Variants in KCTD1 observed in about 807,000 individuals in gnomAD.
The protein encoded by KCTD1 is potassium channel tetramerization domain containing 1, also known as BTB/POZ domain-containing protein KCTD1.
A neutral mutation model predicts 66.0 loss-of-function variants in KCTD1; 24 were observed. That is an observed-to-expected ratio of 0.36 (90% CI 0.26 to 0.51). The LOEUF (loss-of-function observed/expected upper bound fraction) is 0.51. Ranked by LOEUF, KCTD1 falls within the 20% of genes least tolerant of loss-of-function variation. The pLI is 0.95. For synonymous variants in KCTD1, 511 were observed against 517.2 expected (o/e 0.99, Z 0.16); for missense variants, 943 against 1,205.2 (o/e 0.78, Z 3.22).
At chr18:26,492,719 T>A (rs1982270641) in intron 2 of KCTD1, among the ~76,000 whole-genome samples, 1 of 152,158 alleles carries the variant, frequency 6.6e-6, no homozygotes, top group Non-Finnish European at 1.5e-5. Flanking sequence ...GCTGGAGGCC[T>A]GGCTCTTACC....
chr18:26,584,698 G>GT (rs1472116547), intron 1 of KCTD1, among the ~76,000 whole-genome samples: 1 of 152,120 alleles, frequency 6.6e-6, no homozygotes, highest in Non-Finnish European at 1.5e-5. Context: ...TTCACAGGGT[G>GT]TTTTTTGAGT....
chr18:26,637,301 C>T (rs1305565077), intron 1 of KCTD1, among the ~76,000 whole-genome samples: 1 of 152,182 alleles, frequency 6.6e-6, no homozygotes, highest in Non-Finnish European at 1.5e-5. Flanking sequence ...AGATTTGTCA[C>T]AGGACAAAAG....
intron 1 of KCTD1, among the ~76,000 whole-genome samples, chr18:26,536,079 A>G (rs1489708521): frequency 1.3e-5 from 2 of 152,060 alleles, no homozygotes; most frequent in African/African-American, 4.8e-5. Flanking sequence ...GAAATCACAT[A>G]CAGGAAAGCC....
At chr18:26,587,896 G>A (rs1986505867) in intron 1 of KCTD1, among the ~76,000 whole-genome samples, 1 of 152,204 alleles carries the variant, frequency 6.6e-6, no homozygotes, top group African/African-American at 2.4e-5. Context: ...GTGGTTTCTT[G>A]AGATGAAATC....
At chr18:26,540,412 G>T (rs971194165) in intron 1 of KCTD1, among the ~76,000 whole-genome samples, 4 of 152,188 alleles carry the variant, frequency 2.6e-5, no homozygotes, top group African/African-American at 9.7e-5. Context: ...CCAGTCGGGG[G>T]AAAGCAGTAC....
rs1567982868 is a variant in KCTD1 at position 26,532,258 on chromosome 18, C to CT, written c.1809+14469dup. Reference sequence around the variant, plus strand: ...ATTCTTTTTCTTTTTCTTTTCTTTCCTTCTTTTTTTTTTTTTTTTTTTTTT... The same window carrying CT: ...ATTCTTTTTCTTTTTCTTTTCTTTCCTTTCTTTTTTTTTTTTTTTTTTTTTT... On this transcript the variant is annotated intron_variant, in intron 1 of 4. Coordinates refer to ENST00000580059, the MANE Select transcript of KCTD1 (RefSeq NM_001142730.3). Among the ~76,000 whole-genome samples, 24 of 30,262 alleles carry CT rather than the reference C, an allele frequency of 7.9e-4. 1 individual carries two copies. The highest frequency in any genetic ancestry group is 1.5e-3 in the African/African-American group (24 of 15,814). The allele number at this position is 30,262 out of a possible 152,430, so 19.9% of individuals were successfully genotyped here.
chr18:26,580,748 T>C (rs949664315), intron 1 of KCTD1, among the ~76,000 whole-genome samples: 2 of 152,224 alleles, frequency 1.3e-5, no homozygotes, highest in African/African-American at 2.4e-5. Context: ...GGGCTAAGGA[T>C]GTATTATATT....
upstream of KCTD1, chr18:26,549,487 G>A (rs544216156): frequency 1.5e-4 from 151 of 975,740 alleles, no homozygotes; most frequent in Admixed American, 1.4e-3. Context: ...CCGGTGGGAG[G>A]GGAGACGAGG....
chr18:26,459,798 C>T lies in KCTD1; in HGVS notation c.2261G>A (p.Arg754His), dbSNP rs201028403. 2.2e-5 allele frequency: 36 copies of T among 1,614,082 alleles called. No individual in the cohort carries two copies. The highest frequency in any genetic ancestry group is 3.3e-5 in the South Asian group (3 of 91,084). Residue 754 changes from arginine to histidine, a missense_variant, in exon 4 of 5, where the codon CGT becomes CAT. Arg to His is a conservative substitution (Grantham distance 29). This residue lies in a region of KCTD1 where 162 missense variants were observed against 232.4 expected (regional missense o/e 0.70). Coordinates refer to ENST00000580059, the MANE Select transcript of KCTD1 (RefSeq NM_001142730.3). ...CCTTTCTCCGAGGTCTGGGGCCACA[C>T]GCACGACGAGGCACTCACAGGGCCT... ...FSRPCECLVVRVAPDLGERIT... is the reference protein window; with the variant it reads ...FSRPCECLVVHVAPDLGERIT...
At chr18:26,625,818 G>A (rs1239222315) in intron 1 of KCTD1, among the ~76,000 whole-genome samples, 2 of 152,106 alleles carry the variant, frequency 1.3e-5, no homozygotes, top group Non-Finnish European at 2.9e-5. Flanking sequence ...CTTCCTAACA[G>A]GATCCAGCAT....
intron 2 of KCTD1, among the ~76,000 whole-genome samples, chr18:26,491,797 G>C (rs948828401): frequency 2.0e-5 from 3 of 152,166 alleles, no homozygotes; most frequent in Non-Finnish European, 4.4e-5. Flanking sequence ...AGAAGAAAGT[G>C]GCTTGAAATA....
In KCTD1 at chr18:26,547,185, T is replaced by C; in HGVS notation, c.1352A>G (p.His451Arg). 6.4e-7 allele frequency: 1 copy of C among 1,551,148 alleles called. No individual in the cohort carries two copies. The highest frequency in any genetic ancestry group is 8.7e-7 in the Non-Finnish European group (1 of 1,146,956). ...AAKLSKTYTN[H>R]CIGAVSIATL... Reference sequence around the variant, plus strand: ...GGCGATGGAGACGGCGCCGATGCAGTGGTTGGTGTAGGTCTTGGAGAGCTT... The same window carrying C: ...GGCGATGGAGACGGCGCCGATGCAGCGGTTGGTGTAGGTCTTGGAGAGCTT... Residue 451 changes from histidine to arginine, a missense_variant, in exon 1 of 5, where the codon CAC (histidine) becomes CGC (arginine). By Grantham distance (29) the His-to-Arg change is conservative. This residue lies in a region of KCTD1 where 79 missense variants were observed against 133.9 expected (regional missense o/e 0.59). Transcript: ENST00000580059.
chr18:26,459,028 C>T (rs530107045), intron 4 of KCTD1: 34 of 152,522 alleles, frequency 2.2e-4, no homozygotes, highest in African/African-American at 8.2e-4. Flanking sequence ...CACTTGCCAC[C>T]TCCTAACGAG....
chr18:26,630,863 T>C (rs1359064003), upstream of KCTD1, among the ~76,000 whole-genome samples: 1 of 152,242 alleles, frequency 6.6e-6, no homozygotes, highest in Non-Finnish European at 1.5e-5. Context: ...GAATGAAGGA[T>C]GCTTATCACC....
intron 1 of KCTD1, among the ~76,000 whole-genome samples, chr18:26,561,339 G>A (rs540686626): frequency 2.0e-5 from 3 of 152,138 alleles, no homozygotes; most frequent in Non-Finnish European, 4.4e-5. Flanking sequence ...TTTGAATTTT[G>A]CAACATGAGT....
At chr18:26,593,012 G>A (rs1228122330) in intron 1 of KCTD1, among the ~76,000 whole-genome samples, 1 of 152,146 alleles carries the variant, frequency 6.6e-6, no homozygotes, top group Non-Finnish European at 1.5e-5. Flanking sequence ...CTTCCCTCCC[G>A]CTTCCTCACA....
intron 1 of KCTD1, among the ~76,000 whole-genome samples, chr18:26,558,018 T>C (rs1261284377): frequency 6.6e-6 from 1 of 152,264 alleles, no homozygotes; most frequent in Non-Finnish European, 1.5e-5. Context: ...TCCAGCTCTC[T>C]GTTGGGGACA....
intron 2 of KCTD1, among the ~76,000 whole-genome samples, chr18:26,491,175 G>T (rs764047575): frequency 7.9e-5 from 12 of 152,166 alleles, no homozygotes; most frequent in Non-Finnish European, 1.6e-4. Context: ...TGTCGCACTG[G>T]TTGTTGCATT....
chr18:26,650,007 G>A (rs905040559), intron 1 of KCTD1, among the ~76,000 whole-genome samples: 3 of 152,188 alleles, frequency 2.0e-5, no homozygotes, highest in African/African-American at 7.2e-5. Flanking sequence ...TGGTGCATTT[G>A]CATCATTTCA....
Sources: gnomAD v4.1 joint callset for allele counts (sites outside exome capture counted in the v4.1 genomes callset) on GRCh38, gnomAD v4.1.1 for gene constraint, gnomAD v4.1.1 regional missense constraint, MANE v1.5 for transcripts, NCBI Gene and HGNC (gene_info 2026-07-23, HGNC 2026-07-21) for gene names.